Variants in TRPM3 observed in about 807,000 individuals in gnomAD.
TRPM3 encodes the protein long transient receptor potential channel 3.
TRPM3 carries 77 observed loss-of-function variants against 181.2 expected under a neutral mutation model. That is an observed-to-expected ratio of 0.42 (90% confidence interval 0.35 to 0.51). The LOEUF (loss-of-function observed/expected upper bound fraction) is 0.51, where lower values mean the gene tolerates loss of function less well. Among genes scored for constraint, TRPM3 ranks in the 20% least tolerant of loss-of-function variants. TRPM3 has a pLI of 0.01. For missense variants in TRPM3, 1,759 were observed against 2,196.7 expected, an observed-to-expected ratio of 0.80 and a Z score of 3.98; for synonymous variants, 745 against 796.4, an observed-to-expected ratio of 0.94 and a Z score of 1.09.
chr9:70,635,062 C>CAT, intron 12 of TRPM3, 149 bp downstream of exon 12: 1 of 236,796 alleles, frequency 4.2e-6, no homozygotes, highest in Admixed American at 5.6e-5. Context: ...AAGACACATA[C>CAT]ACACACACAC....
chr9:71,041,233 G>A, intron 1 of TRPM3, among the ~76,000 whole-genome samples: 1 of 152,020 alleles, frequency 6.6e-6, no homozygotes, highest in Non-Finnish European at 1.5e-5. Flanking sequence ...TAGAGAGAGA[G>A]AAGGAGAGAA....
chr9:70,935,211 C>T (rs2096816671), intron 1 of TRPM3, among the ~76,000 whole-genome samples: 2 of 152,238 alleles, frequency 1.3e-5, no homozygotes, highest in African/African-American at 4.8e-5. Flanking sequence ...AGACTTACAG[C>T]TCCCTGAAAT....
intron 1 of TRPM3, among the ~76,000 whole-genome samples, chr9:71,397,585 C>T (rs931270224): frequency 8.5e-5 from 13 of 152,188 alleles, no homozygotes; most frequent in African/African-American, 2.9e-4. Context: ...TCTTTGGATA[C>T]ATTCTTTCCA....
chr9:70,673,325 T>C lies in TRPM3; in HGVS notation c.1345+8181A>G, dbSNP rs577266460. Among the ~76,000 whole-genome samples the C allele has an allele frequency of 2.0e-5, 3 of 151,070 alleles. No individual in the cohort carries two copies. In the East Asian group the frequency reaches 5.9e-4, roughly 30 times the overall value. ...AAAGTTAATGATTTGAATAAAGGGG[T>C]AAAATGGACCACCAAGAAACAAGTG... On this transcript the variant is annotated intron_variant, in intron 9 of 25. Transcript: ENST00000677713.
At chr9:71,102,620 T>C (rs1318897711) in intron 1 of TRPM3, among the ~76,000 whole-genome samples, 1 of 152,212 alleles carries the variant, frequency 6.6e-6, no homozygotes, top group Non-Finnish European at 1.5e-5. Flanking sequence ...CTTTCCTTAT[T>C]GAAATCTTAA....
chr9:70,846,108 T>C (rs1316852432), intron 4 of TRPM3, among the ~76,000 whole-genome samples: 1 of 152,240 alleles, frequency 6.6e-6, no homozygotes, highest in Non-Finnish European at 1.5e-5. Flanking sequence ...AAAAATATCC[T>C]GTGAAATTCC....
chr9:70,992,350 G>T (rs1324947208), intron 1 of TRPM3, among the ~76,000 whole-genome samples: 1 of 152,166 alleles, frequency 6.6e-6, no homozygotes. Context: ...GTGAAGCAGG[G>T]CTTCTACACT....
intron 8 of TRPM3, among the ~76,000 whole-genome samples, chr9:70,699,616 T>C (rs1221586373): frequency 1.3e-5 from 2 of 152,192 alleles, no homozygotes; most frequent in African/African-American, 4.8e-5. Context: ...GGCTCAGAGA[T>C]TGAAGTAGTT....
chr9:70,811,179 C>A (rs1444104775), intron 6 of TRPM3: 3 of 1,611,916 alleles, frequency 1.9e-6, no homozygotes, highest in East Asian at 4.5e-5. Context: ...CCAACTGAGT[C>A]TAACTGGCAA....
chr9:70,569,549 T>C (rs997445224), intron 22 of TRPM3, among the ~76,000 whole-genome samples: 1 of 152,164 alleles, frequency 6.6e-6, no homozygotes, highest in Non-Finnish European at 1.5e-5. Context: ...CAGATTATAA[T>C]AGGAACCAGA....
At chr9:70,936,386 C>A (rs922730746) in intron 1 of TRPM3, among the ~76,000 whole-genome samples, 27 of 152,280 alleles carry the variant, frequency 1.8e-4, no homozygotes, top group Admixed American at 9.2e-4. Flanking sequence ...CCATCCTCTG[C>A]AAAATTTTAG....
At chr9:70,869,748 TAA>T (rs1015498490) in intron 1 of TRPM3, among the ~76,000 whole-genome samples, 2 of 151,940 alleles carry the variant, frequency 1.3e-5, no homozygotes, top group Non-Finnish European at 2.9e-5. Context: ...GCTTCCTTAT[TAA>T]AAAGAGGTGA....
intron 6 of TRPM3, among the ~76,000 whole-genome samples, chr9:70,814,040 C>T (rs1270963781): frequency 1.3e-5 from 2 of 152,130 alleles, no homozygotes; most frequent in Non-Finnish European, 2.9e-5. Flanking sequence ...GTAGAGAAAG[C>T]GCTTAATAAA....
chr9:71,372,409 C>G (rs752703447), intron 1 of TRPM3, among the ~76,000 whole-genome samples: 6 of 152,174 alleles, frequency 3.9e-5, no homozygotes, highest in Non-Finnish European at 8.8e-5. Flanking sequence ...AATCACCACA[C>G]TGTCTTCCAC....
intron 9 of TRPM3, among the ~76,000 whole-genome samples, chr9:70,657,569 A>G (rs536900316): frequency 3.8e-4 from 58 of 152,272 alleles, no homozygotes; most frequent in Non-Finnish European, 7.2e-4. Flanking sequence ...TGGTTTATTG[A>G]AACAATTCCT....
intron 1 of TRPM3, among the ~76,000 whole-genome samples, chr9:71,031,987 T>TATATATAA (rs1449230338): frequency 4.2e-3 from 1 of 240 alleles, no homozygotes; most frequent in African/African-American, 0.045. Flanking sequence ...TATATATATA[T>TATATATAA]TATATATATA....
chr9:70,861,452 A>G (rs377680689), intron 3 of TRPM3, among the ~76,000 whole-genome samples: 3 of 152,276 alleles, frequency 2.0e-5, no homozygotes, highest in Non-Finnish European at 4.4e-5. Context: ...CTACTGGGCT[A>G]ATGACACGAG....
Position 70,902,935 on chromosome 9 carries a change from T to C in TRPM3, c.178-38424A>G, listed in dbSNP as rs114797871. Among the ~76,000 whole-genome samples the C allele has an allele frequency of 6.0e-3, 907 of 152,300 alleles. 8 individuals are homozygous for C. The highest frequency in any genetic ancestry group is 0.048 in the South Asian group (233 of 4,820). Reference sequence around the variant, plus strand: ...CCCTCGGCCTGCCTCCAGTTCACAGTCTGGTGCAGGGCTTGCCACAAGTAC... The same window carrying C: ...CCCTCGGCCTGCCTCCAGTTCACAGCCTGGTGCAGGGCTTGCCACAAGTAC... On this transcript the variant is annotated intron_variant, in intron 1 of 25. Coordinates refer to ENST00000677713, the MANE Select transcript of TRPM3 (RefSeq NM_001366145.2).
chr9:71,351,827 T>G (rs1364855560), intron 1 of TRPM3, among the ~76,000 whole-genome samples: 1 of 151,210 alleles, frequency 6.6e-6, no homozygotes, highest in Non-Finnish European at 1.5e-5. Flanking sequence ...AATAAGAAGG[T>G]AGGAGAGAGT....
Sources: allele counts gnomAD v4.1 joint callset (sites outside exome capture counted in the v4.1 genomes callset), GRCh38; gene constraint gnomAD v4.1.1; transcripts MANE v1.5; gene names NCBI Gene and HGNC (gene_info 2026-07-23, HGNC 2026-07-21).